The following CIB2 variants were observed in gnomAD, a reference collection of about 807,000 sequenced individuals.
CIB2 encodes the protein calcium and integrin-binding family member 2.
In CIB2, 19 loss-of-function variants were observed where a neutral mutation model predicts 23.1. The ratio of observed to expected loss-of-function variants is 0.82; its 90% confidence interval spans 0.57 to 1.21. CIB2 has a LOEUF of 1.21. Ranked by LOEUF, CIB2 falls within the 50% of genes most tolerant of loss-of-function variation. CIB2 has a pLI of 0.00. For missense variants in CIB2, 220 were observed against 241.5 expected (o/e 0.91, Z 0.59); for synonymous variants, 94 against 91.7 (o/e 1.03, Z -0.14).
intron 4 of CIB2, 92 bp downstream of exon 4, chr15:78,109,143 C>T: frequency 7.0e-7 from 1 of 1,436,808 alleles, no homozygotes; most frequent in Non-Finnish European, 9.5e-7. Flanking sequence ...TCTTGGTGTC[C>T]CTAGGGCAGG....
At chr15:78,128,168 C>T (rs1223488292) in intron 1 of CIB2, among the ~76,000 whole-genome samples, 1 of 152,194 alleles carries the variant, frequency 6.6e-6, no homozygotes, top group Non-Finnish European at 1.5e-5. Context: ...TGTCAGGCTC[C>T]CTGAGTACTC....
intron 1 of CIB2, among the ~76,000 whole-genome samples, chr15:78,130,525 G>C (rs950556255): frequency 1.3e-5 from 2 of 152,204 alleles, no homozygotes; most frequent in East Asian, 1.9e-4. Flanking sequence ...GCTGGCTCTG[G>C]AGGCAGGAAA....
intron 1 of CIB2, among the ~76,000 whole-genome samples, chr15:78,130,580 C>T (rs956435783): frequency 1.3e-5 from 2 of 152,146 alleles, no homozygotes; most frequent in African/African-American, 4.8e-5. Flanking sequence ...CCTAAGGGAG[C>T]TGGGAGAGGT....
At chr15:78,121,378 G>A (rs566919951) in intron 2 of CIB2, among the ~76,000 whole-genome samples, 1 of 152,240 alleles carries the variant, frequency 6.6e-6, no homozygotes, top group African/African-American at 2.4e-5. Flanking sequence ...GGGCTGTGGG[G>A]AGCCAGGACG....
intron 2 of CIB2, among the ~76,000 whole-genome samples, chr15:78,112,052 C>T (rs2074167903): frequency 1.3e-5 from 2 of 152,148 alleles, no homozygotes; most frequent in African/African-American, 4.8e-5. Flanking sequence ...TGGGTCAGGT[C>T]CCTAGCTCCT....
intron 2 of CIB2, among the ~76,000 whole-genome samples, chr15:78,112,776 C>G (rs1304302665): frequency 6.6e-6 from 1 of 152,148 alleles, no homozygotes; most frequent in Non-Finnish European, 1.5e-5. Context: ...GTGGCTTGAC[C>G]CTGTGACACA....
At chr15:78,109,467 C>G (rs1396880345) in intron 3 of CIB2, 85 bp from the exon 4 acceptor site, 14 of 1,531,392 alleles carry the variant, frequency 9.1e-6, no homozygotes, top group Admixed American at 3.4e-5. Flanking sequence ...CCTGTGTGAC[C>G]CTGGAGGAGT....
chr15:78,117,246 C>CAAAAAA (rs60332437), intron 2 of CIB2, among the ~76,000 whole-genome samples: 5 of 55,472 alleles, frequency 9.0e-5, no homozygotes, highest in East Asian at 1.3e-3. Flanking sequence ...AAGCTACTGG[C>CAAAAAA]AAAAAAAAAA....
At chr15:78,118,283 CT>C (rs1392430776) in intron 2 of CIB2, among the ~76,000 whole-genome samples, 1 of 151,988 alleles carries the variant, frequency 6.6e-6, no homozygotes, top group African/African-American at 2.4e-5. Context: ...TTTTTCTTAT[CT>C]TTTTTTAACT....
intron 3 of CIB2, 80 bp from the exon 4 acceptor site, chr15:78,109,462 G>T (rs1274010569): frequency 6.4e-7 from 1 of 1,562,520 alleles, no homozygotes; most frequent in African/African-American, 1.4e-5. Flanking sequence ...GACAGCCTGT[G>T]TGACCCTGGA....
chr15:78,111,112 G>A, intron 3 of CIB2, 53 bp downstream of exon 3: 1 of 1,498,182 alleles, frequency 6.7e-7, no homozygotes, highest in Non-Finnish European at 9.3e-7. Flanking sequence ...GGCCTCTGCT[G>A]CTGGTCCAGA....
At chr15:78,107,692 A>T (rs1438647833) in intron 4 of CIB2, among the ~76,000 whole-genome samples, 1 of 152,214 alleles carries the variant, frequency 6.6e-6, no homozygotes, top group Non-Finnish European at 1.5e-5. Context: ...AGCCCGTCCC[A>T]GGAGCAATGC....
chr15:78,125,454 A>G (rs1246542792), intron 1 of CIB2, among the ~76,000 whole-genome samples: 1 of 151,548 alleles, frequency 6.6e-6, no homozygotes, highest in Non-Finnish European at 1.5e-5. Flanking sequence ...CTCCTATCCC[A>G]TGTGTTGGAA....
chr15:78,108,588 AG>A (rs1415051896), intron 4 of CIB2, among the ~76,000 whole-genome samples: 5 of 152,120 alleles, frequency 3.3e-5, no homozygotes, highest in African/African-American at 1.2e-4. Context: ...GCCCTACCTC[AG>A]GCAGTATTCG....
chr15:78,126,945 A>G (rs555194647), intron 1 of CIB2, among the ~76,000 whole-genome samples: 2 of 152,284 alleles, frequency 1.3e-5, no homozygotes, highest in East Asian at 3.9e-4. Context: ...GAAGTGTGGC[A>G]GGGGAAAAGG....
chr15:78,117,246 C>CAAAAAGAAAAAAAAAAAAAAA, intron 2 of CIB2, among the ~76,000 whole-genome samples: 1 of 55,496 alleles, frequency 1.8e-5, no homozygotes, highest in Non-Finnish European at 3.0e-5. Flanking sequence ...AAGCTACTGG[C>CAAAAAGAAAAAAAAAAAAAAA]AAAAAAAAAA....
At chr15:78,116,302 A>AAT (rs1253547519) in intron 2 of CIB2, among the ~76,000 whole-genome samples, 7 of 151,584 alleles carry the variant, frequency 4.6e-5, no homozygotes, top group Non-Finnish European at 8.8e-5. Flanking sequence ...CTCTACAAAA[A>AAT]ATATATATAT....
chr15:78,107,413 AT>A (rs1452600276), intron 4 of CIB2, among the ~76,000 whole-genome samples: 1 of 152,172 alleles, frequency 6.6e-6, no homozygotes, highest in South Asian at 2.1e-4. Context: ...TGCCCATGGC[AT>A]GGGACATAGC....
At chr15:78,122,516 C>T (rs1159802225) in intron 2 of CIB2, among the ~76,000 whole-genome samples, 2 of 152,226 alleles carry the variant, frequency 1.3e-5, no homozygotes, top group East Asian at 3.8e-4. Context: ...TACCGAGAGC[C>T]ATCCTGTCGA....
Sources: gnomAD v4.1 joint callset for allele counts (sites outside exome capture counted in the v4.1 genomes callset) on GRCh38, gnomAD v4.1.1 for gene constraint, MANE v1.5 for transcripts, NCBI Gene and HGNC (gene_info 2026-07-23, HGNC 2026-07-21) for gene names.